Variants in SPATA22 observed in about 807,000 individuals in gnomAD.
The protein encoded by SPATA22 is spermatogenesis-associated protein 22.
SPATA22 carries 29 observed loss-of-function variants against 47.8 expected under a neutral mutation model. That is an observed-to-expected ratio of 0.61 (90% CI 0.45 to 0.83). The LOEUF (loss-of-function observed/expected upper bound fraction) is 0.83. Among genes scored for constraint, SPATA22 ranks in the 40% least tolerant of loss-of-function variants. SPATA22 has a pLI of 0.00. For synonymous variants in SPATA22, 133 were observed against 140.9 expected, an observed-to-expected ratio of 0.94 and a Z score of 0.40; for missense variants, 410 against 421.7, an observed-to-expected ratio of 0.97 and a Z score of 0.24.
rs533427791 is a variant in SPATA22 at position 3,490,267 on chromosome 17, G to A, written c.-73-20869C>T. On this transcript the variant is annotated intron_variant, in intron 1 of 8. Coordinates refer to the SPATA22 transcript ENST00000541913. The surrounding 1 kb of genome is among the most constrained non-coding windows in gnomAD (Gnocchi z 4.6). The stretch of plus-strand genomic sequence containing the variant: ...TTCTGTAATTAAAAATTAATTAAAC[G>A]GGGACTGGTGGACAAGGTGGGTATA... 3.2e-4 allele frequency among the ~76,000 whole-genome samples: 49 copies of A among 152,214 alleles called. 1 individual carries two copies. The South Asian group carries it at 8.5e-3, about 26-fold the overall frequency.
chr17:3,488,163 C>T lies in SPATA22; in HGVS notation c.-73-18765G>A, dbSNP rs940500138. ...TAGTGCAGTTGGGGTAAATGGTTTG[C>T]CAAATAGAGAAGGTGATGACTGGGG... On this transcript the variant is annotated intron_variant, in intron 1 of 8. Coordinates refer to the SPATA22 transcript ENST00000541913. The surrounding 1 kb of genome is among the most constrained non-coding windows in gnomAD (Gnocchi z 6.1). 6.6e-6 allele frequency among the ~76,000 whole-genome samples: 1 copy of T among 151,860 alleles called. No individual in the cohort carries two copies. Among genetic ancestry groups the T allele is most frequent in the Non-Finnish European group, 1.5e-5 (1 of 67,936 alleles).
In SPATA22 at chr17:3,467,520, C is replaced by T. The variant is rs1349281598; in HGVS notation, c.78G>A (p.Lys26=). ...CLPVPLFNQK[K]RNRQPLTSNP... The stretch of plus-strand genomic sequence containing the variant: ...TAGAAGTTAATGGCTGTCTGTTCCT[C>T]TTTTTCTGATTGAACAACGGAACAG... The change falls in exon 3 of 9, where the codon AAG becomes AAA. Residue 26 remains lysine (K), a synonymous_variant. Coordinates refer to ENST00000572969, the MANE Select transcript of SPATA22 (RefSeq NM_001170698.2). 2 of 1,609,016 alleles carry T rather than the reference C, an allele frequency of 1.2e-6. No individual in the cohort carries two copies. Among genetic ancestry groups the T allele is most frequent in the South Asian group, 2.2e-5 (2 of 89,976 alleles).
intron 1 of SPATA22, among the ~76,000 whole-genome samples, chr17:3,487,266 C>G (rs938819277): frequency 6.6e-6 from 1 of 152,138 alleles, no homozygotes; most frequent in African/African-American, 2.4e-5. Context: ...AATGTTGACT[C>G]AGAAAGATTG....
chr17:3,469,236 C>G lies in SPATA22; in HGVS notation c.43+47G>C, dbSNP rs375266861. 4 of 853,332 alleles carry G rather than the reference C, an allele frequency of 4.7e-6. No homozygotes were observed. In the African/African-American group the frequency reaches 6.8e-5, roughly 14 times the overall value. 52.9% of individuals were successfully genotyped at this position (853,332 alleles called of 1,614,324 possible). On this transcript the variant is annotated intron_variant, in intron 2 of 8. Coordinates refer to ENST00000572969, the MANE Select transcript of SPATA22 (RefSeq NM_001170698.2). ...ATGTTATATCTATAAACTATACAAGCTTTATATGCTATACAGAAAATTTAA... is the reference window on the plus strand; with the variant it reads ...ATGTTATATCTATAAACTATACAAGGTTTATATGCTATACAGAAAATTTAA...
chr17:3,443,346 GT>G (rs2072639384), intron 7 of SPATA22, 75 bp from the exon 8 acceptor site: 1 of 1,037,026 alleles, frequency 9.6e-7, no homozygotes, highest in Non-Finnish European at 1.4e-6. Flanking sequence ...AGAAGCTGAT[GT>G]TTAAATAACT....
At chr17:3,481,546 T>G (rs2073626646) in intron 1 of SPATA22, 1 of 1,486,614 alleles carries the variant, frequency 6.7e-7, no homozygotes, top group Admixed American at 1.8e-5. Flanking sequence ...TCTTATTATA[T>G]GTTTATATTA....
At chr17:3,443,624 G>T (rs1388744720) in intron 7 of SPATA22, among the ~76,000 whole-genome samples, 2 of 151,828 alleles carry the variant, frequency 1.3e-5, no homozygotes, top group Middle Eastern at 3.2e-3. Flanking sequence ...TAACAAATAA[G>T]CATCATAATT....
At position 3,462,532 on chromosome 17, in the gene SPATA22, CAG is replaced by C; in HGVS notation, c.278_279del (p.Ser93CysfsTer3). 6.2e-7 allele frequency: 1 copy of C among 1,613,364 alleles called. No homozygotes were observed. Among genetic ancestry groups the C allele is most frequent in the Non-Finnish European group, 8.5e-7 (1 of 1,179,720 alleles). ...GTATTTGATTGAATAGAGTTAAAGA[CAG>C]AATCTTGACTTCTCAGAGGACGAGA... ...SVSRPLRSQD[S>X]VFNSIQSNTG... is the part of the protein sequence containing the mutation. On this transcript the variant is annotated frameshift_variant, in exon 5 of 9. Transcript: ENST00000572969. LOFTEE classifies it high-confidence loss of function.
upstream of SPATA22, among the ~76,000 whole-genome samples, chr17:3,472,635 TATGGGCCAGGTAGTGG>T (rs1243541060): frequency 6.6e-6 from 1 of 152,236 alleles, no homozygotes; most frequent in Non-Finnish European, 1.5e-5. Flanking sequence ...CGGAACTTAC[TATGGGCCAGGTAGTGG>T]ATTCTAGAGC....
At chr17:3,463,517 G>A (rs1344493328) in intron 3 of SPATA22, among the ~76,000 whole-genome samples, 1 of 152,002 alleles carries the variant, frequency 6.6e-6, no homozygotes, top group Admixed American at 6.6e-5. Flanking sequence ...CACCTAAGAG[G>A]GCACTTACCA....
At chr17:3,451,377 C>T (rs2072856289) in intron 5 of SPATA22, among the ~76,000 whole-genome samples, 1 of 151,994 alleles carries the variant, frequency 6.6e-6, no homozygotes, top group Admixed American at 6.5e-5. Flanking sequence ...AAGCTCAATA[C>T]TCCACTTTTA....
rs1307887376 is a variant in SPATA22 at position 3,462,707 on chromosome 17, C to T, written c.233G>A (p.Gly78Glu). Residue 78 changes from glycine to glutamate, a missense_variant and splice_region_variant, in exon 4 of 9, where the codon GGG becomes GAG. Physicochemically the swap from Gly to Glu is moderately conservative, Grantham distance 98 (BLOSUM62 -2). Coordinates refer to ENST00000572969, the MANE Select transcript of SPATA22 (RefSeq NM_001170698.2). ...LAPVMKTVDT[G>E]QIPHSVSRPL... ...CAATGGTTTATATTTCTCCACATACCCGGTGTCCACTGTTTTCATTACAGG... is the reference window on the plus strand; with the variant it reads ...CAATGGTTTATATTTCTCCACATACTCGGTGTCCACTGTTTTCATTACAGG... The T allele has an allele frequency of 8.1e-6, 13 of 1,611,738 alleles. No individual in the cohort carries two copies. Among genetic ancestry groups the T allele is most frequent in the Non-Finnish European group, 1.1e-5 (13 of 1,177,882 alleles).
intron 1 of SPATA22, among the ~76,000 whole-genome samples, chr17:3,479,688 T>A (rs2073594196): frequency 6.6e-6 from 1 of 152,124 alleles, no homozygotes; most frequent in Admixed American, 6.6e-5. Flanking sequence ...TATCTCAAGA[T>A]GCCGGCTTTG....
chr17:3,454,707 C>T (rs1458275478), intron 5 of SPATA22, among the ~76,000 whole-genome samples: 2 of 151,852 alleles, frequency 1.3e-5, no homozygotes, highest in Non-Finnish European at 2.9e-5. Flanking sequence ...CATTGTTGGA[C>T]ATTTGGGTTG....
At chr17:3,489,335 CAATGAAGGTAAGTAAT>C (rs2073781358) in intron 1 of SPATA22, 2 of 1,595,804 alleles carry the variant, frequency 1.3e-6, no homozygotes, top group South Asian at 1.1e-5. Context: ...TACATCATTT[CAATGAAGGTAAGTAAT>C]AATGAAGGTA....
In SPATA22 at chr17:3,467,427, T is replaced by C; in HGVS notation, c.171A>G (p.Thr57=). 6.3e-7 allele frequency: 1 copy of C among 1,590,168 alleles called. No individual in the cohort carries two copies. The highest frequency in any genetic ancestry group is 8.5e-7 in the Non-Finnish European group (1 of 1,170,576). Residue 57 remains threonine, a splice_region_variant and synonymous_variant, in exon 3 of 9, where the codon ACA becomes ACG. Coordinates refer to ENST00000572969, the MANE Select transcript of SPATA22 (RefSeq NM_001170698.2). ...TTTTTACCTTATTAATTTTCTTACCTGTAGGTAGAGGAGGAAAATCATAAT... is the reference window on the plus strand; with the variant it reads ...TTTTTACCTTATTAATTTTCTTACCCGTAGGTAGAGGAGGAAAATCATAAT... ...SDNYDFPPLP[T]DWAWEAVNPE...
At chr17:3,466,046 G>T (rs993753465) in intron 3 of SPATA22, among the ~76,000 whole-genome samples, 1 of 151,446 alleles carries the variant, frequency 6.6e-6, no homozygotes, top group South Asian at 2.1e-4. Context: ...GTGAATTTAT[G>T]ATTTTTATAC....
chr17:3,509,407 CAT>C (rs2074083271), intron 1 of SPATA22, among the ~76,000 whole-genome samples: 1 of 152,026 alleles, frequency 6.6e-6, no homozygotes, highest in African/African-American at 2.4e-5. Context: ...TGAGTGAGAA[CAT>C]GTGGTGTTTG....
At position 3,446,382 on chromosome 17, in the gene SPATA22, T is replaced by G. The variant is rs573663230; in HGVS notation, c.802+90A>C. The G allele has an allele frequency of 2.3e-6, 3 of 1,316,484 alleles. No individual in the cohort carries two copies. The South Asian group carries it at 4.2e-5, about 18-fold the overall frequency. 81.6% of individuals were successfully genotyped at this position (1,316,484 alleles called of 1,614,324 possible). A position where few individuals can be genotyped will look rare whatever the true frequency, so the allele number is the denominator to read the frequency against. On this transcript the variant is annotated intron_variant, in intron 7 of 8. Coordinates refer to ENST00000572969, the MANE Select transcript of SPATA22 (RefSeq NM_001170698.2). Reference sequence around the variant, plus strand: ...CTTTAGGGAGTAGCAAAAAGCAGACTGTTTTATTTGGAAGAAAAAGGACTA... The same window carrying G: ...CTTTAGGGAGTAGCAAAAAGCAGACGGTTTTATTTGGAAGAAAAAGGACTA...
Sources: allele counts gnomAD v4.1 joint callset (sites outside exome capture counted in the v4.1 genomes callset), GRCh38; gene constraint gnomAD v4.1.1; non-coding constraint Gnocchi (gnomAD v3.1); transcripts MANE v1.5; gene names NCBI Gene and HGNC (gene_info 2026-07-23, HGNC 2026-07-21).